DLG2: variants seen among roughly 807,000 people sequenced by gnomAD.
DLG2 encodes the protein discs large MAGUK scaffold protein 2.
DLG2 carries 45 observed loss-of-function variants against 132.5 expected under a neutral mutation model. The ratio of observed to expected loss-of-function variants is 0.34; its 90% CI spans 0.27 to 0.44. DLG2 has a LOEUF of 0.44. Ranked by LOEUF, DLG2 falls within the 20% of genes least tolerant of loss-of-function variation. The pLI is 1.00. For synonymous variants in DLG2, 424 were observed against 419.6 expected (o/e 1.01, Z -0.13); for missense variants, 1,045 against 1,196.9 (o/e 0.87, Z 1.87).
intron 18 of DLG2, among the ~76,000 whole-genome samples, chr11:83,661,878 T>C (rs1487647332): frequency 6.6e-6 from 1 of 152,220 alleles, no homozygotes; most frequent in Non-Finnish European, 1.5e-5. Context: ...ACAGAGCGAA[T>C]GAATCATTCA....
chr11:83,858,792 G>C (rs1389320175), intron 16 of DLG2, among the ~76,000 whole-genome samples: 1 of 152,198 alleles, frequency 6.6e-6, no homozygotes, highest in Non-Finnish European at 1.5e-5. Flanking sequence ...TCTCTTAGAT[G>C]TCAAGGGTGA....
intron 6 of DLG2, among the ~76,000 whole-genome samples, chr11:84,998,700 C>T (rs1268671930): frequency 6.6e-6 from 1 of 151,876 alleles, no homozygotes; most frequent in Non-Finnish European, 1.5e-5. Flanking sequence ...AATTATTAGC[C>T]TGAAATTATT....
chr11:84,362,153 C>T (rs1225041898), intron 7 of DLG2, among the ~76,000 whole-genome samples: 2 of 151,888 alleles, frequency 1.3e-5, no homozygotes, highest in East Asian at 3.9e-4. Context: ...TATAAAGATA[C>T]AGTATAAACA....
At chr11:84,264,386 A>G (rs769739110) in intron 7 of DLG2, among the ~76,000 whole-genome samples, 1 of 152,172 alleles carries the variant, frequency 6.6e-6, no homozygotes, top group African/African-American at 2.4e-5. Flanking sequence ...ATTATTCTAT[A>G]AAGCAAGGAT....
intron 15 of DLG2, among the ~76,000 whole-genome samples, chr11:83,891,071 T>C (rs2069688894): frequency 6.6e-6 from 1 of 152,178 alleles, no homozygotes; most frequent in Non-Finnish European, 1.5e-5. Flanking sequence ...TCTCATTAAA[T>C]AGATATTACA....
At chr11:85,599,281 C>A (rs1249682308) in intron 2 of DLG2, among the ~76,000 whole-genome samples, 5 of 152,068 alleles carry the variant, frequency 3.3e-5, no homozygotes, top group African/African-American at 1.2e-4. Flanking sequence ...CGCATGCATG[C>A]GCAGACACCC....
At chr11:84,861,436 A>G (rs932560956) in intron 6 of DLG2, among the ~76,000 whole-genome samples, 2 of 151,974 alleles carry the variant, frequency 1.3e-5, no homozygotes, top group Non-Finnish European at 2.9e-5. Context: ...AATACTTTAT[A>G]TTCATACTAC....
intron 18 of DLG2, among the ~76,000 whole-genome samples, chr11:83,666,404 G>A (rs1005573483): frequency 1.3e-5 from 2 of 152,116 alleles, no homozygotes; most frequent in African/African-American, 2.4e-5. Flanking sequence ...TGTCAGATCT[G>A]TGGTTTCATT....
At chr11:85,296,414 A>G (rs1363909787) in intron 3 of DLG2, among the ~76,000 whole-genome samples, 3 of 151,714 alleles carry the variant, frequency 2.0e-5, no homozygotes, top group Non-Finnish European at 2.9e-5. Context: ...TCGGATATAT[A>G]AGGACTTTTA....
intron 3 of DLG2, among the ~76,000 whole-genome samples, chr11:85,548,631 G>C (rs1309623716): frequency 1.3e-5 from 2 of 152,206 alleles, no homozygotes; most frequent in Non-Finnish European, 2.9e-5. Context: ...GGAGGTGGGG[G>C]TTTTATCTAT....
Position 83,486,184 on chromosome 11 carries a change from C to CTAAA in DLG2, c.2194-1960_2194-1957dup, listed in dbSNP as rs1280953486. 29 of 676,374 alleles carry CTAAA rather than the reference C, an allele frequency of 4.3e-5. No homozygotes were observed. In the East Asian group the frequency reaches 7.9e-4, roughly 18 times the overall value. The allele number at this position is 676,374 out of a possible 1,614,324, so 41.9% of individuals were successfully genotyped here. On this transcript the variant is annotated intron_variant, in intron 21 of 27. Transcript: ENST00000376104. ...AAAAATGATAGTCCTTAAAAGAATA[C>CTAAA]TAAATATTCTTGCATCACTCCAGTT...
intron 5 of DLG2, among the ~76,000 whole-genome samples, chr11:85,153,625 T>C (rs530110671): frequency 1.3e-5 from 2 of 152,278 alleles, no homozygotes; most frequent in African/African-American, 2.4e-5. Context: ...AAGGAAATAA[T>C]AGGAATAAAA....
chr11:84,311,497 T>A (rs1274213721), intron 7 of DLG2, among the ~76,000 whole-genome samples: 1 of 152,198 alleles, frequency 6.6e-6, no homozygotes, highest in East Asian at 1.9e-4. Context: ...AATTCAAATT[T>A]GAGATTGTCT....
chr11:84,659,730 A>T (rs922869537), intron 6 of DLG2, among the ~76,000 whole-genome samples: 1 of 152,212 alleles, frequency 6.6e-6, no homozygotes, highest in African/African-American at 2.4e-5. Context: ...CCCACAGTTC[A>T]TATAAGACCA....
intron 19 of DLG2, among the ~76,000 whole-genome samples, chr11:83,592,006 T>C (rs1211449068): frequency 6.8e-6 from 1 of 147,346 alleles, no homozygotes; most frequent in Non-Finnish European, 1.5e-5. Flanking sequence ...TACAAACAAA[T>C]GGAAGAACAT....
chr11:85,083,964 C>T (rs539843389), intron 6 of DLG2, among the ~76,000 whole-genome samples: 17 of 152,094 alleles, frequency 1.1e-4, no homozygotes, highest in Admixed American at 1.1e-3. Context: ...AAAAAGGGTC[C>T]ATTCAGTTGG....
intron 9 of DLG2, among the ~76,000 whole-genome samples, chr11:84,120,219 G>A (rs1425762163): frequency 2.0e-5 from 3 of 152,008 alleles, no homozygotes; most frequent in African/African-American, 7.3e-5. Context: ...CTTGTCCCTT[G>A]TCTCGGTATT....
At position 85,472,047 on chromosome 11, in the gene DLG2, G is replaced by A. The variant is rs188048216; in HGVS notation, c.40+126610C>T. 1.3e-3 allele frequency among the ~76,000 whole-genome samples: 199 copies of A among 152,270 alleles called. 1 individual carries two copies. Among genetic ancestry groups the A allele is most frequent in the African/African-American group, 4.2e-3 (175 of 41,564 alleles). Reference sequence around the variant, plus strand: ...CAAGGGTGGGTCCCTGGTGAAACCCGACCTTCAAACCAAAGACAAATTAAA... The same window carrying A: ...CAAGGGTGGGTCCCTGGTGAAACCCAACCTTCAAACCAAAGACAAATTAAA... On this transcript the variant is annotated intron_variant, in intron 3 of 27. Coordinates refer to ENST00000376104, the MANE Select transcript of DLG2 (RefSeq NM_001142699.3).
At chr11:83,484,249 G>T (rs1179178009) in intron 21 of DLG2, 21 bp from the exon 22 acceptor site, 6 of 1,576,730 alleles carry the variant, frequency 3.8e-6, no homozygotes, top group Middle Eastern at 1.7e-4. Context: ...GAAAAGGCAT[G>T]GGGCAAAAAC....
Sources: gnomAD v4.1 joint callset for allele counts (sites outside exome capture counted in the v4.1 genomes callset) on GRCh38, gnomAD v4.1.1 for gene constraint, MANE v1.5 for transcripts, NCBI Gene and HGNC (gene_info 2026-07-23, HGNC 2026-07-21) for gene names.